RNF216: variants seen among roughly 807,000 people sequenced by gnomAD.
RNF216 encodes the protein E3 ubiquitin-protein ligase RNF216.
A neutral mutation model predicts 110.8 loss-of-function variants in RNF216; 72 were observed. That is an observed-to-expected ratio of 0.65 (90% confidence interval 0.54 to 0.79). The LOEUF is 0.79. RNF216 is among the 30% of genes least tolerant of loss of function. The probability of loss-of-function intolerance (pLI) is 0.00; values close to 1 mark genes in which losing one functional copy is unlikely to be tolerated. For synonymous variants in RNF216, 495 were observed against 407.5 expected, an observed-to-expected ratio of 1.21 and a Z score of -2.59; for missense variants, 1,342 against 1,141.2, an observed-to-expected ratio of 1.18 and a Z score of -2.54.
chr7:5,756,522 G>A lies in RNF216; in HGVS notation c.68-3543C>T, dbSNP rs755016232. 1.2e-4 allele frequency among the ~76,000 whole-genome samples: 19 copies of A among 152,200 alleles called. 1 individual carries two copies. The highest frequency in any genetic ancestry group is 2.6e-4 in the Non-Finnish European group (18 of 68,036). ...CGATTCTCAGGCCTCAGCCTCCTGA[G>A]TAGCTGGGATTACAGGCTTCCAACA... is the stretch of plus-strand genomic sequence containing the variant. On this transcript the variant is annotated intron_variant, in intron 2 of 16. Coordinates refer to ENST00000389902, the MANE Select transcript of RNF216 (RefSeq NM_207111.4).
intron 8 of RNF216, among the ~76,000 whole-genome samples, chr7:5,721,607 A>C (rs1487756882): frequency 6.6e-6 from 1 of 152,208 alleles, no homozygotes; most frequent in Non-Finnish European, 1.5e-5. Context: ...TCAGAAAATA[A>C]TGCCAGTTTT....
At chr7:5,735,078 G>A (rs1157812145) in intron 5 of RNF216, among the ~76,000 whole-genome samples, 2 of 151,896 alleles carry the variant, frequency 1.3e-5, no homozygotes, top group South Asian at 4.1e-4. Flanking sequence ...CCCAGAAGAC[G>A]GAGGTTGCAG....
chr7:5,764,545 G>A (rs917392981), intron 1 of RNF216, among the ~76,000 whole-genome samples: 1 of 152,020 alleles, frequency 6.6e-6, no homozygotes, highest in Non-Finnish European at 1.5e-5. Context: ...CTATTCAGGA[G>A]GTTGAGGCGA....
At chr7:5,711,725 T>C (rs1476801874) in intron 13 of RNF216, 36 bp downstream of exon 13, 2 of 1,568,486 alleles carry the variant, frequency 1.3e-6, no homozygotes, top group Non-Finnish European at 1.7e-6. Flanking sequence ...AATACCATAA[T>C]TCAATATACA....
chr7:5,698,781 T>G (rs1238774671), intron 13 of RNF216, among the ~76,000 whole-genome samples: 1 of 152,208 alleles, frequency 6.6e-6, no homozygotes, highest in African/African-American at 2.4e-5. Context: ...AAGAATCTTG[T>G]GCAGAGAAAC....
chr7:5,630,220 G>C (rs1461946035), intron 15 of RNF216, among the ~76,000 whole-genome samples: 1 of 152,126 alleles, frequency 6.6e-6, no homozygotes, highest in Non-Finnish European at 1.5e-5. Flanking sequence ...TCATTTTAAA[G>C]CAGTGCTGGC....
intron 8 of RNF216, among the ~76,000 whole-genome samples, chr7:5,724,690 T>C (rs1017960033): frequency 1.3e-5 from 2 of 152,188 alleles, no homozygotes; most frequent in Admixed American, 1.3e-4. Context: ...CACTTAGTCA[T>C]ACCTGAAATC....
intron 10 of RNF216, among the ~76,000 whole-genome samples, chr7:5,716,173 C>G (rs938117229): frequency 6.6e-6 from 1 of 152,074 alleles, no homozygotes. Context: ...ATTACAGGCA[C>G]GAGCCACGGT....
chr7:5,688,269 T>A (rs1791110460), intron 13 of RNF216, among the ~76,000 whole-genome samples: 1 of 152,116 alleles, frequency 6.6e-6, no homozygotes. Flanking sequence ...AACTAGACAG[T>A]AAATTGAGCC....
intron 1 of RNF216, among the ~76,000 whole-genome samples, chr7:5,768,465 A>G (rs1796324643): frequency 6.6e-6 from 1 of 151,298 alleles, no homozygotes; most frequent in African/African-American, 2.4e-5. Flanking sequence ...CAGTACTATC[A>G]AAGAGCTTGA....
At chr7:5,681,063 G>A (rs759485765) in intron 13 of RNF216, among the ~76,000 whole-genome samples, 10 of 152,014 alleles carry the variant, frequency 6.6e-5, no homozygotes, top group Non-Finnish European at 1.0e-4. Context: ...TTCCCACACT[G>A]GGGTCTCAGC....
At chr7:5,742,506 A>T (rs1794812574) in intron 3 of RNF216, among the ~76,000 whole-genome samples, 1 of 151,784 alleles carries the variant, frequency 6.6e-6, no homozygotes, top group Non-Finnish European at 1.5e-5. Flanking sequence ...AAATTAAAAC[A>T]AGACAGTATT....
intron 15 of RNF216, among the ~76,000 whole-genome samples, chr7:5,636,737 T>A (rs892885345): frequency 6.6e-6 from 1 of 152,234 alleles, no homozygotes; most frequent in East Asian, 1.9e-4. Flanking sequence ...GCTGTGGCTA[T>A]CAGAGGAAAT....
Position 5,761,038 on chromosome 7 carries a change from A to G in RNF216, c.32T>C (p.Ile11Thr), listed in dbSNP as rs1421128946. The G allele has an allele frequency of 8.8e-6, 14 of 1,586,438 alleles. No homozygotes were observed. The highest frequency in any genetic ancestry group is 1.2e-5 in the Non-Finnish European group (14 of 1,171,510). The change falls in exon 2 of 17, where the codon ATT (isoleucine) becomes ACT (threonine). Residue 11 changes from isoleucine to threonine, a missense_variant. Transcript: ENST00000389902. ...ATGGCAGTGAAAGTTGTTCAAGTGA[A>G]TTACCTCTTCATTGTTGTTTCCCTC... MEEGNNNEEV[I>T]HLNNFHCHRG... is the part of the protein sequence containing the mutation.
intron 1 of RNF216, among the ~76,000 whole-genome samples, chr7:5,765,183 C>A (rs551641895): frequency 1.3e-5 from 2 of 152,022 alleles, no homozygotes; most frequent in South Asian, 4.2e-4. Context: ...ACTTCAAGAC[C>A]GGGCATGGTG....
chr7:5,731,813 T>A (rs1183474173), intron 5 of RNF216, among the ~76,000 whole-genome samples: 1 of 151,416 alleles, frequency 6.6e-6, no homozygotes, highest in Admixed American at 6.6e-5. Context: ...CCTGTAATAG[T>A]AGAACAGGAG....
At chr7:5,743,057 T>TC (rs1172286312) in intron 3 of RNF216, among the ~76,000 whole-genome samples, 1 of 152,038 alleles carries the variant, frequency 6.6e-6, no homozygotes, top group Admixed American at 6.5e-5. Flanking sequence ...GGTCAGGAGA[T>TC]CGAGACCATC....
intron 13 of RNF216, among the ~76,000 whole-genome samples, chr7:5,687,961 C>G (rs1183329262): frequency 1.3e-5 from 2 of 152,194 alleles, no homozygotes; most frequent in Non-Finnish European, 2.9e-5. Flanking sequence ...CCACAGTTAA[C>G]ATCTTGCCAT....
chr7:5,654,796 G>A (rs1383027328), intron 13 of RNF216, among the ~76,000 whole-genome samples: 3 of 151,446 alleles, frequency 2.0e-5, no homozygotes, highest in Non-Finnish European at 2.9e-5. Context: ...CGAGGGATGC[G>A]GATATGCTCT....
Sources: gnomAD v4.1 joint callset for allele counts (sites outside exome capture counted in the v4.1 genomes callset) on GRCh38, gnomAD v4.1.1 for gene constraint, MANE v1.5 for transcripts, NCBI Gene and HGNC (gene_info 2026-07-23, HGNC 2026-07-21) for gene names.